The following DAPK1 variants were observed in gnomAD, a reference collection of about 807,000 sequenced individuals.
DAPK1 encodes the protein death associated protein kinase 1.
A neutral mutation model predicts 144.9 loss-of-function variants in DAPK1; 56 were observed. The ratio of observed to expected loss-of-function variants is 0.39; its 90% CI spans 0.31 to 0.48. DAPK1 has a LOEUF of 0.48. Among genes scored for constraint, DAPK1 ranks in the 20% least tolerant of loss-of-function variants. The pLI is 0.95. For synonymous variants in DAPK1, 690 were observed against 749.0 expected, an observed-to-expected ratio of 0.92 and a Z score of 1.29; for missense variants, 1,454 against 1,875.4, an observed-to-expected ratio of 0.78 and a Z score of 4.15.
intron 2 of DAPK1, among the ~76,000 whole-genome samples, chr9:87,558,326 C>G (rs897002182): frequency 2.0e-5 from 3 of 152,188 alleles, no homozygotes; most frequent in Non-Finnish European, 4.4e-5. Flanking sequence ...TTGTCAAGAG[C>G]AGGCCACTGG....
chr9:87,692,307 G>A (rs144692506), intron 21 of DAPK1, among the ~76,000 whole-genome samples: 18 of 150,006 alleles, frequency 1.2e-4, no homozygotes, highest in African/African-American at 3.4e-4. Flanking sequence ...GCTCACTTTT[G>A]GTTTCCATTT....
intron 2 of DAPK1, among the ~76,000 whole-genome samples, chr9:87,508,622 G>A (rs559085885): frequency 3.3e-5 from 5 of 152,092 alleles, no homozygotes; most frequent in Admixed American, 2.6e-4. Flanking sequence ...GATTACAGGC[G>A]TGAGCCACCG....
At chr9:87,533,575 A>G (rs758611776) in intron 2 of DAPK1, among the ~76,000 whole-genome samples, 2 of 152,238 alleles carry the variant, frequency 1.3e-5, no homozygotes, top group Non-Finnish European at 2.9e-5. Flanking sequence ...CTGAAGGACC[A>G]GTGAGGAACC....
At chr9:87,658,968 C>T (rs906571749) in intron 18 of DAPK1, among the ~76,000 whole-genome samples, 10 of 152,230 alleles carry the variant, frequency 6.6e-5, no homozygotes, top group African/African-American at 2.2e-4. Flanking sequence ...TATCCCGCTG[C>T]TGGTCTTTGT....
At chr9:87,560,062 C>G (rs1826854547) in intron 2 of DAPK1, among the ~76,000 whole-genome samples, 1 of 151,052 alleles carries the variant, frequency 6.6e-6, no homozygotes, top group South Asian at 2.1e-4. Context: ...TCGATCTTGG[C>G]TCACTGCAAC....
chr9:87,559,936 A>C, intron 2 of DAPK1, among the ~76,000 whole-genome samples: 1 of 148,252 alleles, frequency 6.7e-6, no homozygotes, highest in African/African-American at 2.5e-5. Context: ...TTGTCTCCCC[A>C]CCTTGGTTTA....
chr9:87,634,644 A>G (rs114728029), intron 3 of DAPK1, among the ~76,000 whole-genome samples: 62 of 152,320 alleles, frequency 4.1e-4, no homozygotes, highest in African/African-American at 1.4e-3. Context: ...GAGCATGAGG[A>G]TGAGATGCTG....
At chr9:87,501,805 T>C (rs1824413495) in intron 2 of DAPK1, among the ~76,000 whole-genome samples, 1 of 152,212 alleles carries the variant, frequency 6.6e-6, no homozygotes, top group South Asian at 2.1e-4. Context: ...TATAGAGTAT[T>C]GCAACTATTG....
chr9:87,582,012 A>G (rs1318136448), intron 2 of DAPK1, among the ~76,000 whole-genome samples: 1 of 152,206 alleles, frequency 6.6e-6, no homozygotes, highest in Non-Finnish European at 1.5e-5. Context: ...TAAAAAGAAA[A>G]CAAATCCAGG....
At position 87,700,189 on chromosome 9, in the gene DAPK1, G is replaced by A. The variant is rs751236795; in HGVS notation, c.2823G>A (p.Met941Ile). The change falls in exon 24 of 26, where the codon ATG becomes ATA. Residue 941 changes from methionine to isoleucine, a missense_variant. Coordinates refer to ENST00000408954, the MANE Select transcript of DAPK1 (RefSeq NM_004938.4). ...CTGGGGCTTCTGGGTCAAAGGACAT[G>A]AAGGTACTTCGAAATCATCTGCAAG... ...LDAGASGSKD[M>I]KVLRNHLQEI... is the part of the protein sequence containing the mutation. The A allele has an allele frequency of 1.0e-5, 16 of 1,607,576 alleles. 1 individual carries two copies. In the Middle Eastern group the frequency reaches 1.7e-3, roughly 166 times the overall value.
At position 87,535,000 on chromosome 9, in the gene DAPK1, A is replaced by G. The variant is rs1056316498; in HGVS notation, c.62+35861A>G. Among the ~76,000 whole-genome samples the G allele has an allele frequency of 3.9e-5, 6 of 152,164 alleles. No individual in the cohort carries two copies. The South Asian group carries it at 8.3e-4, about 21-fold the overall frequency. ...TGTGCAAATGTGTTTATCAATAGGA[A>G]GAGCACTTTCTGGAAGGCATTATTC... On this transcript the variant is annotated intron_variant, in intron 2 of 25. Coordinates refer to ENST00000408954, the MANE Select transcript of DAPK1 (RefSeq NM_004938.4).
In DAPK1 at chr9:87,604,899, C is replaced by T. The variant is rs566007479; in HGVS notation, c.63-55C>T. The T allele has an allele frequency of 5.3e-5, 83 of 1,558,320 alleles. No individual in the cohort carries two copies. In the Middle Eastern group the frequency reaches 8.4e-4, roughly 16 times the overall value. On this transcript the variant is annotated intron_variant, in intron 2 of 25. Coordinates refer to ENST00000408954, the MANE Select transcript of DAPK1 (RefSeq NM_004938.4). Reference sequence around the variant, plus strand: ...CCCTCTGCACCATGCCACATCCTCACTCAAATCCTGTTTTTTTTATGAACG... The same window carrying T: ...CCCTCTGCACCATGCCACATCCTCATTCAAATCCTGTTTTTTTTATGAACG...
intron 2 of DAPK1, among the ~76,000 whole-genome samples, chr9:87,597,551 G>C (rs1419493142): frequency 6.6e-6 from 1 of 152,062 alleles, no homozygotes; most frequent in East Asian, 1.9e-4. Flanking sequence ...TAGACAGCTT[G>C]GTAATTTTCA....
intron 2 of DAPK1, among the ~76,000 whole-genome samples, chr9:87,504,583 T>C (rs1407088216): frequency 6.6e-6 from 1 of 152,180 alleles, no homozygotes; most frequent in Non-Finnish European, 1.5e-5. Flanking sequence ...GAAGGCCCCA[T>C]ATCATTGGTA....
intron 2 of DAPK1, 96 bp from the exon 3 acceptor site, chr9:87,604,858 C>A: frequency 9.1e-7 from 1 of 1,093,426 alleles, no homozygotes; most frequent in Non-Finnish European, 1.3e-6. Context: ...CTTTCCTATT[C>A]ACAGTTCTCT....
chr9:87,607,220 G>A (rs776362039), intron 3 of DAPK1, among the ~76,000 whole-genome samples: 1 of 152,150 alleles, frequency 6.6e-6, no homozygotes, highest in African/African-American at 2.4e-5. Context: ...AGCCTAGAGT[G>A]AAGATGGGGG....
At chr9:87,692,335 G>A (rs753160563) in intron 21 of DAPK1, among the ~76,000 whole-genome samples, 8 of 148,804 alleles carry the variant, frequency 5.4e-5, no homozygotes, top group Non-Finnish European at 1.2e-4. Context: ...ATATCTTTTT[G>A]TATCCCTTTA....
At chr9:87,641,353 A>T (rs757130055) in intron 9 of DAPK1, among the ~76,000 whole-genome samples, 68 of 152,194 alleles carry the variant, frequency 4.5e-4, no homozygotes, top group Non-Finnish European at 6.8e-4. Flanking sequence ...AGTATCTTCA[A>T]TCCAGGGCAG....
intron 2 of DAPK1, chr9:87,499,457 A>G (rs1824315752): frequency 2.5e-6 from 1 of 405,212 alleles, no homozygotes; most frequent in Non-Finnish European, 4.4e-6. Context: ...GACAAACACT[A>G]AGATTATAAT....
Sources: allele counts gnomAD v4.1 joint callset (sites outside exome capture counted in the v4.1 genomes callset), GRCh38; gene constraint gnomAD v4.1.1; transcripts MANE v1.5; gene names NCBI Gene and HGNC (gene_info 2026-07-23, HGNC 2026-07-21).